TMEM161B: variants seen among roughly 807,000 people sequenced by gnomAD.
TMEM161B encodes transmembrane protein 161B.
In TMEM161B, 34 loss-of-function variants were observed where a neutral mutation model predicts 61.8. That is an observed-to-expected ratio of 0.55 (90% CI 0.42 to 0.73). The LOEUF (loss-of-function observed/expected upper bound fraction) is 0.73. TMEM161B is among the 30% of genes least tolerant of loss of function. The pLI, the probability that TMEM161B is intolerant of heterozygous loss-of-function variation, is 0.00. For synonymous variants in TMEM161B, 167 were observed against 192.8 expected (o/e 0.87, Z 1.11); for missense variants, 456 against 558.5 (o/e 0.82, Z 1.85).
intron 7 of TMEM161B, 52 bp downstream of exon 7, chr5:88,206,387 T>C (rs1745471577): frequency 1.4e-6 from 2 of 1,437,412 alleles, no homozygotes; most frequent in Non-Finnish European, 1.9e-6. Context: ...ACTGCTTTAT[T>C]AAAAATAGAA....
intron 11 of TMEM161B, among the ~76,000 whole-genome samples, chr5:88,196,763 C>T (rs760400513): frequency 6.6e-6 from 1 of 152,028 alleles, no homozygotes; most frequent in Non-Finnish European, 1.5e-5. Flanking sequence ...AATAACAAAA[C>T]AATTTCCTCA....
In TMEM161B at chr5:88,268,740, C is replaced by G. The variant is rs771490717; in HGVS notation, c.-17G>C. On this transcript the variant is annotated 5_prime_UTR_variant, in exon 1 of 12. Coordinates refer to ENST00000296595, the MANE Select transcript of TMEM161B (RefSeq NM_153354.5). ...ACTCACCATGGCGCCTAGGATAGGT[C>G]GTGGACCAGACACCCTGGAGTTGCC... 29 of 1,613,924 alleles carry G rather than the reference C, an allele frequency of 1.8e-5. 1 individual carries two copies. The South Asian group carries it at 3.2e-4, about 18-fold the overall frequency.
rs374077160 is a variant in TMEM161B, at chr5:88,207,065, C to T, written c.562G>A (p.Val188Ile). Reference protein sequence around the residue: ...FFVKAMAVLIVTENYLEFGLE... With the variant: ...FFVKAMAVLIITENYLEFGLE... ...CCAAATTCCAGATAATTTTCTGTTACAATCAACACTGCCATTGCTTTGACA... is the reference window on the plus strand; with the variant it reads ...CCAAATTCCAGATAATTTTCTGTTATAATCAACACTGCCATTGCTTTGACA... Residue 188 changes from valine (V) to isoleucine (I), a missense_variant, in exon 6 of 12, where the codon GTA becomes ATA. Physicochemically the swap from Val to Ile is conservative, Grantham distance 29. Transcript: ENST00000296595. 13 of 1,612,176 alleles carry T rather than the reference C, an allele frequency of 8.1e-6. No homozygotes were observed. The highest frequency in any genetic ancestry group is 6.7e-5 in the African/African-American group (5 of 74,836).
chr5:88,186,081 T>G (rs777898549), downstream of TMEM161B, among the ~76,000 whole-genome samples: 2 of 152,204 alleles, frequency 1.3e-5, no homozygotes, highest in Non-Finnish European at 2.9e-5. Flanking sequence ...AAACTATTAA[T>G]AGTATCAAGT....
chr5:88,191,874 G>A (rs564103379), downstream of TMEM161B, among the ~76,000 whole-genome samples: 2 of 146,384 alleles, frequency 1.4e-5, no homozygotes, highest in South Asian at 4.5e-4. Context: ...GGAGAATGGC[G>A]TGAACCCGGG....
At chr5:88,206,011 T>C (rs1310378503) in intron 7 of TMEM161B, 57 bp from the exon 8 acceptor site, 15 of 1,296,758 alleles carry the variant, frequency 1.2e-5, no homozygotes, top group East Asian at 2.5e-5. Context: ...TTTTGAAGAA[T>C]TTCTTTTCTT....
intron 1 of TMEM161B, among the ~76,000 whole-genome samples, chr5:88,257,064 T>A (rs1755076474): frequency 6.6e-6 from 1 of 152,144 alleles, no homozygotes; most frequent in South Asian, 2.1e-4. Context: ...AGGTCAGGAA[T>A]TCCAGACCAG....
chr5:88,266,880 AAG>A (rs1424617442), intron 1 of TMEM161B, among the ~76,000 whole-genome samples: 1 of 152,240 alleles, frequency 6.6e-6, no homozygotes, highest in Non-Finnish European at 1.5e-5. Flanking sequence ...CCAGAAGGAA[AAG>A]AGCCAACTAG....
At chr5:88,261,804 T>C (rs1207777356) in intron 1 of TMEM161B, among the ~76,000 whole-genome samples, 15 of 128,930 alleles carry the variant, frequency 1.2e-4, no homozygotes, top group Non-Finnish European at 3.2e-5. Flanking sequence ...AAATAGAACA[T>C]AGACCTAAAT....
At chr5:88,233,028 G>A (rs1318346188) in intron 2 of TMEM161B, among the ~76,000 whole-genome samples, 1 of 152,132 alleles carries the variant, frequency 6.6e-6, no homozygotes, top group Admixed American at 6.5e-5. Context: ...TGGAATCTAA[G>A]GATGCTCGAT....
At chr5:88,187,755 G>C (rs771609371), downstream of TMEM161B, among the ~76,000 whole-genome samples, 2 of 103,902 alleles carry the variant, frequency 1.9e-5, no homozygotes, top group African/African-American at 3.4e-5. Context: ...TAATCTTTTG[G>C]AACAATCGTT....
chr5:88,217,193 G>C (rs1748017993), intron 5 of TMEM161B, among the ~76,000 whole-genome samples: 1 of 152,130 alleles, frequency 6.6e-6, no homozygotes, highest in Admixed American at 6.5e-5. Flanking sequence ...GGAGTTAGAG[G>C]CTGCAGTGAA....
intron 5 of TMEM161B, 62 bp downstream of exon 5, chr5:88,220,501 A>G (rs1356969100): frequency 2.4e-5 from 31 of 1,272,716 alleles, no homozygotes; most frequent in Non-Finnish European, 3.0e-5. Context: ...CTCAAATCAG[A>G]GATGAGATCT....
chr5:88,195,258 G>C lies in TMEM161B; in HGVS notation c.*953C>G. On this transcript the variant is annotated 3_prime_UTR_variant, in exon 12 of 12. Coordinates refer to ENST00000296595, the MANE Select transcript of TMEM161B (RefSeq NM_153354.5). ...ATTCCAAAAAGAAATAAAATTTCTA[G>C]ATACAAATACATCTCATTCAAGTCA... The C allele has an allele frequency of 3.2e-6, 3 of 949,666 alleles. No homozygotes were observed. The highest frequency in any genetic ancestry group is 2.5e-6 in the Non-Finnish European group (2 of 797,442). The allele number at this position is 949,666 out of a possible 1,614,324, so 58.8% of individuals were successfully genotyped here. A position where few individuals can be genotyped will look rare whatever the true frequency, so the allele number is the denominator to read the frequency against.
At chr5:88,223,234 A>G (rs1749340054) in intron 4 of TMEM161B, among the ~76,000 whole-genome samples, 1 of 151,102 alleles carries the variant, frequency 6.6e-6, no homozygotes, top group Non-Finnish European at 1.5e-5. Context: ...CTTTCTAATG[A>G]GTTAAGAAAA....
chr5:88,204,026 A>G (rs540126567), intron 8 of TMEM161B, among the ~76,000 whole-genome samples: 1 of 152,006 alleles, frequency 6.6e-6, no homozygotes, highest in South Asian at 2.1e-4. Flanking sequence ...GCTAAACTGG[A>G]GGGTTCAAAA....
Position 88,196,147 on chromosome 5 carries a change from C to T in TMEM161B, c.*64G>A, listed in dbSNP as rs1055828. The T allele has an allele frequency of 4.9e-3, 7,478 of 1,524,452 alleles. 272 individuals are homozygous for T. The African/African-American group carries it at 0.089, about 18-fold the overall frequency. 94.4% of individuals were successfully genotyped at this position (1,524,452 alleles called of 1,614,324 possible). A position where few individuals can be genotyped will look rare whatever the true frequency, so the allele number is the denominator to read the frequency against. On this transcript the variant is annotated 3_prime_UTR_variant, in exon 12 of 12. Transcript: ENST00000296595. ...TGCTTTCTTCTGGTTTTCATCAGCC[C>T]TTTAAGGGCACAGATATTTTAATTT...
intron 1 of TMEM161B, among the ~76,000 whole-genome samples, chr5:88,246,555 G>T (rs1008046151): frequency 8.6e-5 from 13 of 151,842 alleles, no homozygotes; most frequent in Non-Finnish European, 1.3e-4. Context: ...AGGGATTAAT[G>T]TATTAATGTA....
At chr5:88,224,506 G>A (rs1351924660) in intron 4 of TMEM161B, among the ~76,000 whole-genome samples, 2 of 152,024 alleles carry the variant, frequency 1.3e-5, no homozygotes, top group Non-Finnish European at 2.9e-5. Flanking sequence ...TAATATATAG[G>A]AGGAAAACTA....
Sources: allele counts gnomAD v4.1 joint callset (sites outside exome capture counted in the v4.1 genomes callset), GRCh38; gene constraint gnomAD v4.1.1; transcripts MANE v1.5; gene names NCBI Gene and HGNC (gene_info 2026-07-23, HGNC 2026-07-21).